ZNF205: variants seen among roughly 807,000 people sequenced by gnomAD.
ZNF205 encodes the protein zinc finger protein 205.
In ZNF205, 32 loss-of-function variants were observed where a neutral mutation model predicts 53.6. That is an observed-to-expected ratio of 0.60 (90% CI 0.45 to 0.80). The LOEUF (loss-of-function observed/expected upper bound fraction) is 0.80, where lower values mean the gene tolerates loss of function less well. ZNF205 is among the 30% of genes least tolerant of loss of function. ZNF205 has a pLI of 0.00. For synonymous variants in ZNF205, 382 were observed against 334.3 expected (o/e 1.14, Z -1.56); for missense variants, 836 against 782.4 (o/e 1.07, Z -0.82).
At chr16:3,115,745 C>A (rs1596297579) in intron 3 of ZNF205, 84 bp from the exon 4 acceptor site, 1 of 1,467,406 alleles carries the variant, frequency 6.8e-7, no homozygotes, top group East Asian at 2.3e-5. Flanking sequence ...TGGGTCGGGC[C>A]AGGGGTGGAG....
Position 3,119,439 on chromosome 16 carries a change from C to T in ZNF205, c.779C>T (p.Thr260Ile), listed in dbSNP as rs1449737988. 7 of 1,595,580 alleles carry T rather than the reference C, an allele frequency of 4.4e-6. No homozygotes were observed. The Admixed American group carries it at 6.9e-5, about 16-fold the overall frequency. Residue 260 changes from threonine to isoleucine, a missense_variant, in exon 7 of 7, where the codon ACC (threonine) becomes ATC (isoleucine). Physicochemically the swap from Thr to Ile is moderately conservative, Grantham distance 89 (BLOSUM62 -1). Coordinates refer to ENST00000219091, the MANE Select transcript of ZNF205 (RefSeq NM_001042428.2). ...DSGQPAEPDR[T>I]PDAAPPDPSP... ...GGGCAGCCGGCTGAGCCAGATCGCACCCCGGATGCAGCTCCGCCAGACCCC... is the reference window on the plus strand; with the variant it reads ...GGGCAGCCGGCTGAGCCAGATCGCATCCCGGATGCAGCTCCGCCAGACCCC...
chr16:3,118,180 G>A (rs1334707808), intron 5 of ZNF205, among the ~76,000 whole-genome samples: 2 of 152,012 alleles, frequency 1.3e-5, no homozygotes, highest in Non-Finnish European at 2.9e-5. Flanking sequence ...ACACTTGCTA[G>A]TCCAGGCAGA....
In ZNF205 at chr16:3,119,976, A is replaced by G; in HGVS notation, c.1316A>G (p.Gln439Arg). Residue 439 changes from glutamine to arginine, a missense_variant, in exon 7 of 7, where the codon CAG (glutamine) becomes CGG (arginine). Physicochemically the swap from Gln to Arg is conservative, Grantham distance 43 (BLOSUM62 1). Transcript: ENST00000219091. ...FTQSSALVTH[Q>R]RTHTGVKPYP... ...CAGAGCTCGGCGCTAGTCACCCACC[A>G]GCGCACCCACACTGGGGTCAAGCCC... 6.2e-7 allele frequency: 1 copy of G among 1,613,506 alleles called. No homozygotes were observed. The highest frequency in any genetic ancestry group is 1.3e-5 in the African/African-American group (1 of 74,988).
chr16:3,119,941 G>A lies in ZNF205; in HGVS notation c.1281G>A (p.Lys427=). The A allele has an allele frequency of 1.2e-6, 2 of 1,613,650 alleles. No individual in the cohort carries two copies. The highest frequency in any genetic ancestry group is 1.7e-6 in the Non-Finnish European group (2 of 1,179,938). ...CGCACAAGTGCCCCATCTGCGCCAA[G>A]TGCTTCACGCAGAGCTCGGCGCTAG... The part of the protein sequence containing the change: ...AKPHKCPICA[K]CFTQSSALVT... Residue 427 remains lysine (K), a synonymous_variant, in exon 7 of 7, where the codon AAG becomes AAA. Transcript: ENST00000219091.
intron 2 of ZNF205, among the ~76,000 whole-genome samples, chr16:3,113,736 G>C (rs960196126): frequency 6.6e-6 from 1 of 152,192 alleles, no homozygotes; most frequent in Admixed American, 6.5e-5. Context: ...CTATCAGTGA[G>C]GTTTTCTTTC....
chr16:3,119,518 G>C lies in ZNF205; in HGVS notation c.858G>C (p.Glu286Asp). ...TCCCGGAGAAGCCCAACGAGGAGGA[G>C]AAGGGCGCCCCGGAGAGTGGCGAGG... The part of the protein sequence containing the change: ...YRVPEKPNEE[E>D]KGAPESGEEG... The change falls in exon 7 of 7, where the codon GAG becomes GAC. Residue 286 changes from glutamate to aspartate, a missense_variant. Coordinates refer to ENST00000219091, the MANE Select transcript of ZNF205 (RefSeq NM_001042428.2). The C allele has an allele frequency of 6.2e-7, 1 of 1,602,370 alleles. No homozygotes were observed. Among genetic ancestry groups the C allele is most frequent in the Non-Finnish European group, 8.5e-7 (1 of 1,175,180 alleles).
chr16:3,119,758 C>T lies in ZNF205; in HGVS notation c.1098C>T (p.Cys366=), dbSNP rs1293095301. Reference sequence around the variant, plus strand: ...ACACGGGCGAGAAGCCCTACACCTGCCCCGCCTGCCGGAAGAGCTTCAGCC... The same window carrying T: ...ACACGGGCGAGAAGCCCTACACCTGTCCCGCCTGCCGGAAGAGCTTCAGCC... ...IIHTGEKPYT[C]PACRKSFSHH... The change falls in exon 7 of 7, where the codon TGC becomes TGT. Residue 366 remains cysteine, a synonymous_variant. Transcript: ENST00000219091. 2 of 1,613,746 alleles carry T rather than the reference C, an allele frequency of 1.2e-6. No individual in the cohort carries two copies. The highest frequency in any genetic ancestry group is 1.1e-5 in the South Asian group (1 of 91,090).
chr16:3,116,735 G>A (rs1279753805), intron 5 of ZNF205, among the ~76,000 whole-genome samples, 188 bp downstream of exon 5: 1 of 152,206 alleles, frequency 6.6e-6, no homozygotes, highest in East Asian at 1.9e-4. Flanking sequence ...CACAAGCCAT[G>A]TGTGGCTACT....
rs923701343 is a variant in ZNF205 at position 3,118,981 on chromosome 16, A to T, written c.561A>T (p.Ala187=). The change falls in exon 6 of 7, where the codon GCA becomes GCT. Residue 187 remains alanine (A), a synonymous_variant. Coordinates refer to ENST00000219091, the MANE Select transcript of ZNF205 (RefSeq NM_001042428.2). ...KGEASGSSRQ[A]GDEKEWRGAC... is the part of the protein sequence containing the mutation. ...AGGCCTCGGGCTCCAGCCGGCAGGC[A>T]GGAGATGAGAAGGAGTGGAGAGGCG... is the stretch of plus-strand genomic sequence containing the variant. 2.7e-5 allele frequency: 44 copies of T among 1,613,534 alleles called. 1 individual carries two copies. The highest frequency in any genetic ancestry group is 3.2e-5 in the Non-Finnish European group (38 of 1,179,960).
chr16:3,113,247 T>G (rs1215876918), intron 1 of ZNF205, 170 bp from the exon 2 acceptor site: 1 of 612,430 alleles, frequency 1.6e-6, no homozygotes, highest in African/African-American at 1.9e-5. Context: ...CTGGGAGACT[T>G]TCTTTCCGAT....
At chr16:3,116,612 T>C in intron 5 of ZNF205, 65 bp downstream of exon 5, 1 of 1,556,460 alleles carries the variant, frequency 6.4e-7, no homozygotes, top group South Asian at 1.2e-5. Flanking sequence ...CGTCTCCTCT[T>C]TCCTCCCTTC....
rs371139956 is a variant in ZNF205 at position 3,119,622 on chromosome 16, C to T, written c.962C>T (p.Ser321Leu). The T allele has an allele frequency of 1.4e-5, 22 of 1,611,074 alleles. No homozygotes were observed. In the African/African-American group the frequency reaches 1.9e-4, roughly 14 times the overall value. Reference sequence around the variant, plus strand: ...TGCGGCAAGGGCTTCAGCTGGCACTCGCACCTGGTGACGCACCGGCGCACG... The same window carrying T: ...TGCGGCAAGGGCTTCAGCTGGCACTTGCACCTGGTGACGCACCGGCGCACG... Reference protein sequence around the residue: ...EQCGKGFSWHSHLVTHRRTHT... With the variant: ...EQCGKGFSWHLHLVTHRRTHT... The change falls in exon 7 of 7, where the codon TCG becomes TTG. Residue 321 changes from serine (S) to leucine (L), a missense_variant. By Grantham distance (145) the Ser-to-Leu change is moderately radical. Transcript: ENST00000219091.
chr16:3,115,673 G>A (rs1567176203), intron 3 of ZNF205, 105 bp downstream of exon 3: 4 of 1,406,736 alleles, frequency 2.8e-6, no homozygotes, highest in Non-Finnish European at 3.8e-6. Context: ...TGCCAGCAGG[G>A]GACGCTATCC....
At chr16:3,114,627 TG>T (rs1957314528) in intron 2 of ZNF205, among the ~76,000 whole-genome samples, 1 of 152,188 alleles carries the variant, frequency 6.6e-6, no homozygotes, top group South Asian at 2.1e-4. Flanking sequence ...TCCCCAGCCA[TG>T]GTGTGTTAGT....
rs1412322118 is a variant in ZNF205, at chr16:3,120,221, C to T, written c.1561C>T (p.Arg521Trp). The T allele has an allele frequency of 7.5e-6, 12 of 1,609,944 alleles. No individual in the cohort carries two copies. Among genetic ancestry groups the T allele is most frequent in the Non-Finnish European group, 1.0e-5 (12 of 1,179,686 alleles). ...CTTCAGCCGGCGCTCCAACCTGCAC[C>T]GGCACGAGAAGATCCACACCACCGG... The part of the protein sequence containing the change: ...KSFSRRSNLH[R>W]HEKIHTTGPK... Residue 521 changes from arginine (R) to tryptophan (W), a missense_variant, in exon 7 of 7, where the codon CGG becomes TGG. Physicochemically the swap from Arg to Trp is moderately radical, Grantham distance 101 (BLOSUM62 -3). Transcript: ENST00000219091.
Position 3,115,898 on chromosome 16 carries a change from C to T in ZNF205, c.341C>T (p.Ala114Val), listed in dbSNP as rs770380526. 3.2e-5 allele frequency: 51 copies of T among 1,613,794 alleles called. No homozygotes were observed. The highest frequency in any genetic ancestry group is 3.8e-5 in the Non-Finnish European group (45 of 1,179,972). Reference sequence around the variant, plus strand: ...ACCAGAGACCGGCAGATGGCTGCAGCGCTCCTCACTGCCTGGTCCCAGGTG... The same window carrying T: ...ACCAGAGACCGGCAGATGGCTGCAGTGCTCCTCACTGCCTGGTCCCAGGTG... ...GRTRDRQMAA[A>V]LLTAWSQMPV... is the part of the protein sequence containing the mutation. Residue 114 changes from alanine (A) to valine (V), a missense_variant, in exon 4 of 7, where the codon GCG (alanine) becomes GTG (valine). Ala to Val is a moderately conservative substitution (Grantham distance 64). Transcript: ENST00000219091.
At chr16:3,118,037 T>A (rs1957367350) in intron 5 of ZNF205, among the ~76,000 whole-genome samples, 2 of 129,490 alleles carry the variant, frequency 1.5e-5, no homozygotes, top group Non-Finnish European at 3.3e-5. Flanking sequence ...TTTTTTTTTG[T>A]ATTTTTAGTA....
chr16:3,115,946 C>T, intron 4 of ZNF205, 26 bp downstream of exon 4: 1 of 1,602,668 alleles, frequency 6.2e-7, no homozygotes, highest in Non-Finnish European at 8.5e-7. Flanking sequence ...CCGGCCCCTG[C>T]ATGGTACTCA....
intron 5 of ZNF205, among the ~76,000 whole-genome samples, chr16:3,118,292 C>T (rs764076967): frequency 6.6e-6 from 1 of 152,064 alleles, no homozygotes; most frequent in Non-Finnish European, 1.5e-5. Context: ...GGCTGCTCAC[C>T]GCTCTTATGG....
Sources: gnomAD v4.1 joint callset for allele counts (sites outside exome capture counted in the v4.1 genomes callset) on GRCh38, gnomAD v4.1.1 for gene constraint, MANE v1.5 for transcripts, NCBI Gene and HGNC (gene_info 2026-07-23, HGNC 2026-07-21) for gene names.